DNAH7: variants seen among roughly 807,000 people sequenced by gnomAD.
The protein encoded by DNAH7 is axonemal beta dynein heavy chain 7.
DNAH7 carries 397 observed loss-of-function variants against 444.6 expected under a neutral mutation model. The ratio of observed to expected loss-of-function variants is 0.89; its 90% CI spans 0.82 to 0.97. The LOEUF is 0.97. Ranked by LOEUF, DNAH7 falls within the 50% of genes least tolerant of loss-of-function variation. The pLI, the probability that DNAH7 is intolerant of heterozygous loss-of-function variation, is 0.00. For synonymous variants in DNAH7, 1,636 were observed against 1,624.4 expected, an observed-to-expected ratio of 1.01 and a Z score of -0.17; for missense variants, 4,902 against 4,800.8, an observed-to-expected ratio of 1.02 and a Z score of -0.62.
chr2:195,876,531 A>G lies in DNAH7; in HGVS notation c.6117+13T>C, dbSNP rs759745575. On this transcript the variant is annotated intron_variant, in intron 37 of 64. Coordinates refer to ENST00000312428, the MANE Select transcript of DNAH7 (RefSeq NM_018897.3). The stretch of plus-strand genomic sequence containing the variant: ...ATATGAATAGGCCCGGGTACTGTAC[A>G]AAGAGTCATTACCATTCTCTTGCCC... 14 of 1,613,104 alleles carry G rather than the reference A, an allele frequency of 8.7e-6. No homozygotes were observed. The highest frequency in any genetic ancestry group is 8.5e-7 in the Non-Finnish European group (1 of 1,179,350).
At chr2:195,873,781 G>T (rs1452078629) in intron 38 of DNAH7, 87 bp from the exon 39 acceptor site, 7 of 1,010,430 alleles carry the variant, frequency 6.9e-6, no homozygotes, top group Non-Finnish European at 9.4e-6. Flanking sequence ...AAAGTAACTT[G>T]AAAGATGGAC....
In DNAH7 at chr2:195,834,284, T is replaced by C; in HGVS notation, c.9022A>G (p.Asn3008Asp). The C allele has an allele frequency of 6.2e-7, 1 of 1,609,480 alleles. No individual in the cohort carries two copies. Among genetic ancestry groups the C allele is most frequent in the Non-Finnish European group, 8.5e-7 (1 of 1,176,118 alleles). The change falls in exon 48 of 65, where the codon AAT becomes GAT. Residue 3008 changes from asparagine to aspartate, a missense_variant. Physicochemically the swap from Asn to Asp is conservative, Grantham distance 23. Transcript: ENST00000312428. ...NKWIKNMEKANSLYVIKLSEP... is the reference protein window; with the variant it reads ...NKWIKNMEKADSLYVIKLSEP... ...CTAAGTTTAATCACATAAAGACTAT[T>C]GGCTTTTTCCATGTTCTTGATCCAT...
chr2:195,883,850 A>G (rs981983089), intron 35 of DNAH7, among the ~76,000 whole-genome samples: 4 of 152,058 alleles, frequency 2.6e-5, no homozygotes, highest in Non-Finnish European at 4.4e-5. Flanking sequence ...AATGACTTGT[A>G]TCTAAGAATA....
At chr2:195,740,644 TAC>T (rs1164782098) in intron 64 of DNAH7, 120 bp downstream of exon 64, 21,578 of 125,606 alleles carry the variant, frequency 0.17, 1,760 homozygotes, top group Admixed American at 0.2. Context: ...TATATATATA[TAC>T]ATATACACAC....
intron 1 of DNAH7, among the ~76,000 whole-genome samples, chr2:196,062,937 CA>C (rs1331940611): frequency 6.6e-6 from 1 of 152,180 alleles, no homozygotes; most frequent in African/African-American, 2.4e-5. Flanking sequence ...GGGTGTAGTG[CA>C]GTGGCGCAAT....
intron 28 of DNAH7, among the ~76,000 whole-genome samples, chr2:195,898,246 AT>A (rs879273101): frequency 6.6e-6 from 1 of 151,674 alleles, no homozygotes; most frequent in Admixed American, 6.6e-5. Context: ...GTTAGGCACA[AT>A]TTTTTTTTCC....
intron 31 of DNAH7, among the ~76,000 whole-genome samples, chr2:195,890,569 T>C (rs1274578171): frequency 6.6e-6 from 1 of 152,210 alleles, no homozygotes; most frequent in Non-Finnish European, 1.5e-5. Flanking sequence ...TCATCTCTTA[T>C]TCTGAGCCAG....
In DNAH7 at chr2:195,895,221, T is replaced by C; in HGVS notation, c.4651A>G (p.Ile1551Val). ...LSHDLPLFEG[I>V]TSDLFPGVKL... ...ACCCCAGGAAACAAATCCGAAGTAA[T>C]TCCCTGATGATAGATGATTTGAAGG... Residue 1551 changes from isoleucine to valine, a missense_variant, in exon 30 of 65, where the codon ATT becomes GTT. Transcript: ENST00000312428. 6.2e-7 allele frequency: 1 copy of C among 1,600,354 alleles called. No individual in the cohort carries two copies. The highest frequency in any genetic ancestry group is 1.1e-5 in the South Asian group (1 of 89,586).
rs1701403477 is a variant in DNAH7, at chr2:195,881,883, T to C, written c.5873A>G (p.Tyr1958Cys). ...GGTCAGCAATTCCATTAATGCAGAGTATCGAATTGTGTCCAGAGTTGGCAC... is the reference window on the plus strand; with the variant it reads ...GGTCAGCAATTCCATTAATGCAGAGCATCGAATTGTGTCCAGAGTTGGCAC... ...IIVPTLDTIR[Y>C]SALMELLTTH... Residue 1958 changes from tyrosine (Y) to cysteine (C), a missense_variant, in exon 36 of 65, where the codon TAC becomes TGC. By Grantham distance (194) the Tyr-to-Cys change is radical. Transcript: ENST00000312428. 6.2e-7 allele frequency: 1 copy of C among 1,613,924 alleles called. No individual in the cohort carries two copies. The highest frequency in any genetic ancestry group is 8.5e-7 in the Non-Finnish European group (1 of 1,179,880).
chr2:196,047,526 C>T (rs754744211), intron 4 of DNAH7, 27 bp from the exon 5 acceptor site: 3 of 1,502,592 alleles, frequency 2.0e-6, no homozygotes, highest in Admixed American at 2.0e-5. Flanking sequence ...AAAAAAAGCA[C>T]AATTATTCAT....
chr2:196,056,772 C>G (rs753617259), intron 2 of DNAH7, among the ~76,000 whole-genome samples: 2 of 152,128 alleles, frequency 1.3e-5, no homozygotes, highest in African/African-American at 4.8e-5. Flanking sequence ...CTTATTATTG[C>G]GTCTCAAATA....
chr2:195,762,362 G>A (rs934249453), intron 61 of DNAH7, among the ~76,000 whole-genome samples: 1 of 152,130 alleles, frequency 6.6e-6, no homozygotes, highest in African/African-American at 2.4e-5. Flanking sequence ...AATGGCGGGA[G>A]TAAGTACTTA....
intron 9 of DNAH7, among the ~76,000 whole-genome samples, chr2:196,017,103 C>T (rs1695074530): frequency 6.6e-6 from 1 of 152,150 alleles, no homozygotes; most frequent in South Asian, 2.1e-4. Context: ...GCAACCTCTG[C>T]CTTTTGGTTC....
At chr2:196,056,437 A>G (rs1335462781) in intron 2 of DNAH7, among the ~76,000 whole-genome samples, 2 of 151,224 alleles carry the variant, frequency 1.3e-5, no homozygotes. Context: ...AAAAAAAAAG[A>G]AAAAAGAAAT....
chr2:195,797,667 C>G (rs1696225966), intron 55 of DNAH7, among the ~76,000 whole-genome samples: 1 of 152,208 alleles, frequency 6.6e-6, no homozygotes, highest in South Asian at 2.1e-4. Context: ...CCTGGACTTT[C>G]AATAGCCAAC....
At chr2:195,754,897 C>T (rs963119118) in intron 62 of DNAH7, among the ~76,000 whole-genome samples, 2 of 152,138 alleles carry the variant, frequency 1.3e-5, no homozygotes, top group African/African-American at 4.8e-5. Flanking sequence ...AACAAATAAC[C>T]CCTGAGGAGT....
chr2:195,897,128 C>T (rs564167258), intron 29 of DNAH7, among the ~76,000 whole-genome samples: 65 of 152,214 alleles, frequency 4.3e-4, no homozygotes, highest in African/African-American at 1.5e-3. Context: ...AAGAATGACA[C>T]CAAAGGATAT....
chr2:195,886,238 C>A lies in DNAH7; in HGVS notation c.5441G>T (p.Arg1814Leu). The A allele has an allele frequency of 1.2e-6, 2 of 1,612,762 alleles. No homozygotes were observed. The highest frequency in any genetic ancestry group is 1.7e-6 in the Non-Finnish European group (2 of 1,179,396). The part of the protein sequence containing the change: ...LSPTSDTNLV[R>L]SLMNLIDCFM... The stretch of plus-strand genomic sequence containing the variant: ...ACAGTCTATTAGATTCATTAAGGAC[C>A]GGACCAAGTTTGTATCGGAAGTAGG... The change falls in exon 34 of 65, where the codon CGG (arginine) becomes CTG (leucine). Residue 1814 changes from arginine to leucine, a missense_variant. Physicochemically the swap from Arg to Leu is moderately radical, Grantham distance 102 (BLOSUM62 -2). Transcript: ENST00000312428.
At chr2:195,968,748 TC>T (rs1459130229) in intron 17 of DNAH7, among the ~76,000 whole-genome samples, 2 of 152,214 alleles carry the variant, frequency 1.3e-5, no homozygotes, top group African/African-American at 4.8e-5. Context: ...CACTTAGGAC[TC>T]CAGAGCACTT....
Sources: gnomAD v4.1 joint callset for allele counts (sites outside exome capture counted in the v4.1 genomes callset) on GRCh38, gnomAD v4.1.1 for gene constraint, MANE v1.5 for transcripts, NCBI Gene and HGNC (gene_info 2026-07-23, HGNC 2026-07-21) for gene names.